The following NRIP1 variants were observed in gnomAD, a reference collection of about 807,000 sequenced individuals.
NRIP1 encodes nuclear receptor-interacting protein 1.
In NRIP1, 28 loss-of-function variants were observed where a neutral mutation model predicts 75.0. That is an observed-to-expected ratio of 0.37 (90% CI 0.28 to 0.51). The LOEUF (loss-of-function observed/expected upper bound fraction) is 0.51, where lower values mean the gene tolerates loss of function less well. NRIP1 is among the 20% of genes least tolerant of loss of function. NRIP1 has a pLI of 0.92. For missense variants in NRIP1, 1,435 were observed against 1,343.7 expected (o/e 1.07, Z -1.06); for synonymous variants, 526 against 487.6 (o/e 1.08, Z -1.04).
chr21:15,019,979 G>A (rs2088332951), intron 2 of NRIP1, among the ~76,000 whole-genome samples: 2 of 152,098 alleles, frequency 1.3e-5, no homozygotes, highest in Admixed American at 1.3e-4. Flanking sequence ...ACTGTTGAGG[G>A]AAATTAAAGA....
intron 2 of NRIP1, among the ~76,000 whole-genome samples, chr21:15,035,286 T>C (rs2088806319): frequency 6.6e-6 from 1 of 152,160 alleles, no homozygotes; most frequent in Admixed American, 6.5e-5. Context: ...TCCTTATATC[T>C]CAAATAAATG....
At chr21:14,998,742 T>C (rs142357743) in intron 3 of NRIP1, among the ~76,000 whole-genome samples, 108 of 151,632 alleles carry the variant, frequency 7.1e-4, no homozygotes, top group African/African-American at 2.4e-3. Context: ...CTCTTCCTTA[T>C]AGTTTTCTTC....
At chr21:15,003,413 A>C (rs2087893564) in intron 3 of NRIP1, among the ~76,000 whole-genome samples, 1 of 152,208 alleles carries the variant, frequency 6.6e-6, no homozygotes, top group Admixed American at 6.5e-5. Flanking sequence ...GGAACAATTA[A>C]GAAATACTAG....
intron 3 of NRIP1, among the ~76,000 whole-genome samples, chr21:14,983,688 T>C (rs935842024): frequency 1.3e-5 from 2 of 152,206 alleles, no homozygotes; most frequent in Non-Finnish European, 2.9e-5. Flanking sequence ...AGACTGACTC[T>C]CTTGGTAAAG....
intron 2 of NRIP1, among the ~76,000 whole-genome samples, chr21:15,035,287 C>G (rs2088806383): frequency 6.6e-6 from 1 of 152,040 alleles, no homozygotes; most frequent in Admixed American, 6.5e-5. Flanking sequence ...CCTTATATCT[C>G]AAATAAATGT....
intron 3 of NRIP1, among the ~76,000 whole-genome samples, chr21:14,980,795 T>C (rs1358865076): frequency 6.6e-6 from 1 of 152,082 alleles, no homozygotes; most frequent in African/African-American, 2.4e-5. Context: ...AATTAGTGGT[T>C]TTTCATATTT....
chr21:14,996,492 G>C (rs1460568815), intron 3 of NRIP1, among the ~76,000 whole-genome samples: 1 of 151,988 alleles, frequency 6.6e-6, no homozygotes, highest in Middle Eastern at 3.2e-3. Flanking sequence ...GCTAAGATAC[G>C]TCTTTCCCAA....
chr21:15,064,768 C>T lies in NRIP1; in HGVS notation c.-561G>A, dbSNP rs1372810948. On this transcript the variant is annotated 5_prime_UTR_variant, in exon 1 of 4. Coordinates refer to ENST00000318948, the MANE Select transcript of NRIP1 (RefSeq NM_003489.4). Reference sequence around the variant, plus strand: ...ACCCCAGGCCGCCGCGGCTCCCAGCCTCCGGCTCCGTCAGGCTCGGTCCGC... The same window carrying T: ...ACCCCAGGCCGCCGCGGCTCCCAGCTTCCGGCTCCGTCAGGCTCGGTCCGC... 2.7e-5 allele frequency: 4 copies of T among 149,032 alleles called. No homozygotes were observed. Among genetic ancestry groups the T allele is most frequent in the Non-Finnish European group, 6.0e-5 (4 of 66,772 alleles). 9.2% of individuals were successfully genotyped at this position (149,032 alleles called of 1,614,324 possible).
chr21:15,006,397 C>T (rs571775827), intron 3 of NRIP1, among the ~76,000 whole-genome samples: 2 of 152,174 alleles, frequency 1.3e-5, no homozygotes, highest in Non-Finnish European at 2.9e-5. Context: ...TAAATCATTA[C>T]TCTAGAACAA....
At chr21:15,032,708 G>A (rs2088734505) in intron 2 of NRIP1, among the ~76,000 whole-genome samples, 1 of 152,188 alleles carries the variant, frequency 6.6e-6, no homozygotes, top group South Asian at 2.1e-4. Context: ...ACTGATTTCA[G>A]ATCCAATCCC....
intron 3 of NRIP1, among the ~76,000 whole-genome samples, chr21:14,988,379 C>T (rs548475396): frequency 6.6e-6 from 1 of 151,934 alleles, no homozygotes; most frequent in African/African-American, 2.4e-5. Context: ...TTACTAGTCA[C>T]CCTATATAAA....
intron 2 of NRIP1, among the ~76,000 whole-genome samples, chr21:15,027,047 T>A (rs757834510): frequency 3.2e-4 from 49 of 152,116 alleles, no homozygotes; most frequent in Non-Finnish European, 5.9e-4. Context: ...TAAAAAAAAA[T>A]TTGAAACAGC....
At chr21:14,983,733 G>A (rs1199684479) in intron 3 of NRIP1, among the ~76,000 whole-genome samples, 2 of 152,190 alleles carry the variant, frequency 1.3e-5, no homozygotes, top group African/African-American at 4.8e-5. Context: ...TGAAGCCAAT[G>A]CTCATATACC....
chr21:15,055,346 A>G (rs1005415003), intron 1 of NRIP1, among the ~76,000 whole-genome samples: 1 of 152,206 alleles, frequency 6.6e-6, no homozygotes. Flanking sequence ...AAGTCTCCCT[A>G]CTTCTTTTTA....
chr21:15,002,145 A>G (rs149832613), intron 3 of NRIP1: 7 of 152,334 alleles, frequency 4.6e-5, no homozygotes, highest in Admixed American at 2.0e-4. Flanking sequence ...GGAGTGTCAC[A>G]ATATGCAATA....
At chr21:14,990,591 A>G (rs1204515788) in intron 3 of NRIP1, among the ~76,000 whole-genome samples, 4 of 152,246 alleles carry the variant, frequency 2.6e-5, no homozygotes, top group Admixed American at 6.5e-5. Context: ...GGGCAACAGT[A>G]AGAAACAGCC....
intron 3 of NRIP1, among the ~76,000 whole-genome samples, chr21:14,990,450 G>C (rs2087537894): frequency 6.6e-6 from 1 of 152,176 alleles, no homozygotes; most frequent in Non-Finnish European, 1.5e-5. Context: ...AGCCCTAGAT[G>C]ATGAGCCTTG....
At chr21:15,008,171 C>T (rs1310875763) in intron 3 of NRIP1, among the ~76,000 whole-genome samples, 2 of 152,046 alleles carry the variant, frequency 1.3e-5, no homozygotes, top group African/African-American at 4.8e-5. Flanking sequence ...TAAAACAGAA[C>T]AGGAGTCACC....
At chr21:15,006,069 C>T (rs1447988104) in intron 3 of NRIP1, among the ~76,000 whole-genome samples, 1 of 152,016 alleles carries the variant, frequency 6.6e-6, no homozygotes, top group African/African-American at 2.4e-5. Flanking sequence ...TCACAAACTT[C>T]ACGCATACTG....
Sources: gnomAD v4.1 joint callset for allele counts (sites outside exome capture counted in the v4.1 genomes callset) on GRCh38, gnomAD v4.1.1 for gene constraint, MANE v1.5 for transcripts, NCBI Gene and HGNC (gene_info 2026-07-23, HGNC 2026-07-21) for gene names.